The following CCDC102B variants were observed in gnomAD, a reference collection of about 807,000 sequenced individuals.
CCDC102B encodes coiled-coil domain-containing protein 102B.
A neutral mutation model predicts 57.4 loss-of-function variants in CCDC102B; 75 were observed. That is an observed-to-expected ratio of 1.31 (90% confidence interval 1.08 to 1.58). The LOEUF (loss-of-function observed/expected upper bound fraction) is 1.58. Ranked by LOEUF, CCDC102B falls within the 40% of genes most tolerant of loss-of-function variation. CCDC102B has a pLI of 0.00. For synonymous variants in CCDC102B, 206 were observed against 201.9 expected (o/e 1.02, Z -0.17); for missense variants, 636 against 582.6 (o/e 1.09, Z -0.94).
chr18:68,879,368 G>A (rs1472300501), intron 5 of CCDC102B, among the ~76,000 whole-genome samples: 1 of 152,100 alleles, frequency 6.6e-6, no homozygotes, highest in Non-Finnish European at 1.5e-5. Context: ...AGTGTGGAAG[G>A]GGACTCGAGC....
chr18:68,737,187 G>A lies in CCDC102B; in HGVS notation c.-67+20593G>A, dbSNP rs2033169958. 2.6e-5 allele frequency among the ~76,000 whole-genome samples: 4 copies of A among 152,114 alleles called. No individual in the cohort carries two copies. In the South Asian group the frequency reaches 8.3e-4, roughly 32 times the overall value. ...GTTTTACCAGCAGGGGGTGGGCATG[G>A]GGGTAACATGTCTGGGCACCCGAAA... On this transcript the variant is annotated intron_variant, in intron 2 of 3. Transcript: ENST00000578970.
chr18:68,961,295 A>AT (rs1236460930), intron 6 of CCDC102B, among the ~76,000 whole-genome samples: 2 of 151,992 alleles, frequency 1.3e-5, no homozygotes, highest in Non-Finnish European at 2.9e-5. Context: ...ATGAAAAGTG[A>AT]TTTTTTATAC....
At chr18:68,816,459 CTTTTTTTT>C (rs869077830) in intron 1 of CCDC102B, among the ~76,000 whole-genome samples, 1 of 100,588 alleles carries the variant, frequency 9.9e-6, no homozygotes, top group African/African-American at 4.0e-5. Context: ...TATTTCCTTT[CTTTTTTTT>C]TTTTTTTTTT....
chr18:68,748,205 G>GGTATAT (rs530957083), intron 2 of CCDC102B, among the ~76,000 whole-genome samples: 2 of 137,504 alleles, frequency 1.5e-5, no homozygotes. Context: ...TTATTAAACT[G>GGTATAT]GTGTGTGTGT....
At chr18:68,748,641 A>G (rs1292541461) in intron 2 of CCDC102B, among the ~76,000 whole-genome samples, 2 of 152,282 alleles carry the variant, frequency 1.3e-5, no homozygotes, top group African/African-American at 2.4e-5. Flanking sequence ...ATTCCTGGAA[A>G]CATAGCCTAA....
chr18:69,009,964 C>G (rs2051463201), intron 6 of CCDC102B, among the ~76,000 whole-genome samples: 1 of 30,908 alleles, frequency 3.2e-5, no homozygotes, highest in Non-Finnish European at 9.4e-5. Flanking sequence ...CGGAGCCTTG[C>G]TCTGTCGCCC....
At chr18:69,029,095 G>A (rs2052069425) in intron 7 of CCDC102B, among the ~76,000 whole-genome samples, 1 of 152,122 alleles carries the variant, frequency 6.6e-6, no homozygotes, top group African/African-American at 2.4e-5. Context: ...TCACGTGATG[G>A]TCTAAGTATG....
intron 4 of CCDC102B, among the ~76,000 whole-genome samples, chr18:68,868,284 G>C (rs928657164): frequency 2.0e-5 from 3 of 151,868 alleles, no homozygotes; most frequent in Non-Finnish European, 4.4e-5. Context: ...ACTGAGATAA[G>C]TCATTTGACA....
At chr18:68,783,591 A>G (rs533703849) in intron 2 of CCDC102B, among the ~76,000 whole-genome samples, 1 of 152,258 alleles carries the variant, frequency 6.6e-6, no homozygotes, top group South Asian at 2.1e-4. Flanking sequence ...ATACTTTGGG[A>G]AGACTGACTT....
At chr18:68,863,733 A>G (rs930061526) in intron 4 of CCDC102B, among the ~76,000 whole-genome samples, 4 of 151,948 alleles carry the variant, frequency 2.6e-5, no homozygotes, top group Non-Finnish European at 5.9e-5. Context: ...TTCTTTTTTT[A>G]GTATCAATAT....
intron 7 of CCDC102B, among the ~76,000 whole-genome samples, chr18:69,020,395 A>G (rs11151482): frequency 0.076 from 11,632 of 152,168 alleles, 853 homozygotes; most frequent in East Asian, 0.24. Flanking sequence ...CTAGTGGAAG[A>G]ATATGGAGAT....
chr18:68,808,993 G>A (rs1244170682), intron 1 of CCDC102B, among the ~76,000 whole-genome samples: 1 of 152,090 alleles, frequency 6.6e-6, no homozygotes, highest in African/African-American at 2.4e-5. Context: ...AAGTAGCCTT[G>A]TGATTTCAAA....
At position 68,838,795 on chromosome 18, in the gene CCDC102B, T is replaced by A. The variant is rs912036329; in HGVS notation, c.696T>A (p.Ser232=). 1 of 1,613,942 alleles carries A rather than the reference T, an allele frequency of 6.2e-7. No individual in the cohort carries two copies. The highest frequency in any genetic ancestry group is 1.3e-5 in the African/African-American group (1 of 74,920). The part of the protein sequence containing the change: ...DGVDLFNNGG[S]GNGETKTGLR... ...TTGATTTATTCAACAATGGTGGTTC[T>A]GGAAACGGTGAAACGAAAACTGGGC... Residue 232 remains serine (S), a synonymous_variant, in exon 3 of 8, where the codon TCT becomes TCA. Coordinates refer to ENST00000360242, the MANE Select transcript of CCDC102B (RefSeq NM_024781.3).
intron 2 of CCDC102B, among the ~76,000 whole-genome samples, chr18:68,727,674 T>A (rs960025576): frequency 3.3e-5 from 5 of 152,166 alleles, no homozygotes; most frequent in African/African-American, 9.7e-5. Flanking sequence ...ACATGGCAAT[T>A]GGCCTGGTTT....
chr18:68,875,851 G>A (rs2039423077), intron 5 of CCDC102B, among the ~76,000 whole-genome samples: 1 of 152,110 alleles, frequency 6.6e-6, no homozygotes, highest in Admixed American at 6.6e-5. Context: ...AAGCTGCTTA[G>A]GAGAATTATA....
At chr18:68,825,858 G>T (rs995104346) in intron 1 of CCDC102B, among the ~76,000 whole-genome samples, 1 of 152,122 alleles carries the variant, frequency 6.6e-6, no homozygotes, top group African/African-American at 2.4e-5. Context: ...CTTACAGGTA[G>T]TCATGTGCTC....
intron 2 of CCDC102B, among the ~76,000 whole-genome samples, chr18:68,718,763 A>C (rs1034358872): frequency 1.1e-4 from 16 of 152,216 alleles, no homozygotes; most frequent in African/African-American, 3.6e-4. Context: ...AATCTGACCC[A>C]GTGGGGCCCA....
At chr18:68,945,262 TAATG>T (rs750307689) in intron 6 of CCDC102B, among the ~76,000 whole-genome samples, 7 of 152,070 alleles carry the variant, frequency 4.6e-5, no homozygotes, top group Non-Finnish European at 1.5e-5. Flanking sequence ...ATTACTTTCT[TAATG>T]AAAAGACACT....
At chr18:68,799,131 A>G (rs1371529488) in intron 1 of CCDC102B, among the ~76,000 whole-genome samples, 1 of 152,078 alleles carries the variant, frequency 6.6e-6, no homozygotes, top group Non-Finnish European at 1.5e-5. Context: ...TTAGTAAAAT[A>G]TGTTATTGCC....
Sources: allele counts gnomAD v4.1 joint callset (sites outside exome capture counted in the v4.1 genomes callset), GRCh38; gene constraint gnomAD v4.1.1; transcripts MANE v1.5; gene names NCBI Gene and HGNC (gene_info 2026-07-23, HGNC 2026-07-21).